The following ANPEP variants were observed in gnomAD, a reference collection of about 807,000 sequenced individuals.
ANPEP encodes the protein aminopeptidase N.
ANPEP carries 70 observed loss-of-function variants against 114.6 expected under a neutral mutation model. The observed-to-expected ratio is 0.61, with a 90% confidence interval of 0.50 to 0.75. The LOEUF (loss-of-function observed/expected upper bound fraction) is 0.75. ANPEP is among the 30% of genes least tolerant of loss of function. The pLI is 0.00. For missense variants in ANPEP, 1,184 were observed against 1,259.5 expected (o/e 0.94, Z 0.91); for synonymous variants, 548 against 522.3 (o/e 1.05, Z -0.67).
chr15:89,800,948 C>G (rs1273157585), intron 12 of ANPEP, among the ~76,000 whole-genome samples, 163 bp downstream of exon 12: 1 of 152,204 alleles, frequency 6.6e-6, no homozygotes, highest in African/African-American at 2.4e-5. Context: ...GGGATGGTAA[C>G]TTGCCCAGAG....
Position 89,803,104 on chromosome 15 carries a change from A to T in ANPEP, c.1569+135T>A. ...GGCTTCCACTATAGGGAGGAGCAACAGAGGCTCCATCCACCCTGCAGGGCT... is the reference window on the plus strand; with the variant it reads ...GGCTTCCACTATAGGGAGGAGCAACTGAGGCTCCATCCACCCTGCAGGGCT... On this transcript the variant is annotated intron_variant, in intron 10 of 20. Coordinates refer to ENST00000300060, the MANE Select transcript of ANPEP (RefSeq NM_001150.3). This position sits in a 1 kb window ranked among gnomAD's most constrained non-coding sequence, Gnocchi z 4.2. 1.0e-6 allele frequency: 1 copy of T among 983,608 alleles called. No homozygotes were observed. The highest frequency in any genetic ancestry group is 1.6e-6 in the Non-Finnish European group (1 of 625,412). 60.9% of individuals were successfully genotyped at this position (983,608 alleles called of 1,614,324 possible).
chr15:89,801,935 G>T (rs1482714783), intron 10 of ANPEP, among the ~76,000 whole-genome samples: 1 of 152,108 alleles, frequency 6.6e-6, no homozygotes, highest in Non-Finnish European at 1.5e-5. Flanking sequence ...CAAGAAAGAG[G>T]AGACAGAGAT....
At chr15:89,808,366 A>C (rs1894760954) in intron 1 of ANPEP, among the ~76,000 whole-genome samples, 1 of 152,116 alleles carries the variant, frequency 6.6e-6, no homozygotes, top group African/African-American at 2.4e-5. Flanking sequence ...AAGCCCCAGA[A>C]CTCAGCGTGG....
Position 89,803,566 on chromosome 15 carries a change from C to A in ANPEP, c.1438-59G>T. On this transcript the variant is annotated intron_variant, in intron 8 of 20. Coordinates refer to ENST00000300060, the MANE Select transcript of ANPEP (RefSeq NM_001150.3). The surrounding 1 kb of genome is among the most constrained non-coding windows in gnomAD (Gnocchi z 4.2). The stretch of plus-strand genomic sequence containing the variant: ...GTGCAGAGCCACCAGGACCCTGTGC[C>A]CCCAGACCCTGCCTTCAGTGAGGCC... The A allele has an allele frequency of 6.2e-7, 1 of 1,601,502 alleles. No individual in the cohort carries two copies. The highest frequency in any genetic ancestry group is 1.7e-4 in the Middle Eastern group (1 of 5,992).
At position 89,805,467 on chromosome 15, in the gene ANPEP, C is replaced by A. The variant is rs757497292; in HGVS notation, c.615-4G>T. Reference sequence around the variant, plus strand: ...CATCTGTGTAGTGGCCACCACCCTGCCCCAACAGGAAGGTTAGAGGGTGTG... The same window carrying A: ...CATCTGTGTAGTGGCCACCACCCTGACCCAACAGGAAGGTTAGAGGGTGTG... On this transcript the variant is annotated splice_region_variant and splice_polypyrimidine_tract_variant and intron_variant, in intron 2 of 20. Coordinates refer to ENST00000300060, the MANE Select transcript of ANPEP (RefSeq NM_001150.3). The A allele has an allele frequency of 8.1e-6, 13 of 1,613,790 alleles. No individual in the cohort carries two copies. The highest frequency in any genetic ancestry group is 1.7e-5 in the Admixed American group (1 of 59,952).
In ANPEP at chr15:89,804,284, A is replaced by G; in HGVS notation, c.1148T>C (p.Val383Ala). Residue 383 changes from valine (V) to alanine (A), a missense_variant, in exon 6 of 21, where the codon GTC becomes GCC. By Grantham distance (64) the Val-to-Ala change is moderately conservative. Coordinates refer to ENST00000300060, the MANE Select transcript of ANPEP (RefSeq NM_001150.3). Reference protein sequence around the residue: ...SSSSSNKERVVTVIAHELAHQ... With the variant: ...SSSSSNKERVATVIAHELAHQ... ...GGCCAGCTCATGAGCAATCACAGTG[A>G]CCACCCGCTCCTTGTTGCTGCTGGA... The G allele has an allele frequency of 6.2e-7, 1 of 1,614,024 alleles. No homozygotes were observed. Among genetic ancestry groups the G allele is most frequent in the Non-Finnish European group, 8.5e-7 (1 of 1,180,002 alleles).
intron 1 of ANPEP, among the ~76,000 whole-genome samples, chr15:89,807,657 C>A (rs72754571): frequency 0.063 from 9,572 of 152,188 alleles, 348 homozygotes; most frequent in Non-Finnish European, 0.085. Context: ...GCTGAGATCG[C>A]ACCACTGCAC....
rs762109331 is a variant in ANPEP at position 89,797,568 on chromosome 15, T to C, written c.2157+7A>G. The C allele has an allele frequency of 6.2e-7, 1 of 1,612,018 alleles. No individual in the cohort carries two copies. The highest frequency in any genetic ancestry group is 8.5e-7 in the Non-Finnish European group (1 of 1,178,874). On this transcript the variant is annotated splice_region_variant and intron_variant, in intron 15 of 20. Transcript: ENST00000300060. ...TGGTTCTTGAACCCTACCATGCACC[T>C]CCGTACCTTCATGGGGCCATAGACC...
intron 15 of ANPEP, 88 bp from the exon 16 acceptor site, chr15:89,793,214 G>C (rs79798527): frequency 7.5e-6 from 9 of 1,207,186 alleles, no homozygotes; most frequent in South Asian, 6.4e-5. Context: ...GGGGGCAGGC[G>C]CTGGCAGAGA....
chr15:89,810,925 G>A (rs1215599237), intron 1 of ANPEP, among the ~76,000 whole-genome samples: 1 of 152,246 alleles, frequency 6.6e-6, no homozygotes, highest in African/African-American at 2.4e-5. Flanking sequence ...CCTTGGGCCT[G>A]GAAAGCTTCC....
intron 12 of ANPEP, 41 bp downstream of exon 12, chr15:89,801,070 A>G: frequency 6.4e-7 from 1 of 1,568,486 alleles, no homozygotes; most frequent in Non-Finnish European, 8.8e-7. Flanking sequence ...AGCTAGGAGT[A>G]TGGGGTGGGG....
At position 89,791,030 on chromosome 15, in the gene ANPEP, G is replaced by A; in HGVS notation, c.2592C>T (p.Ile864=). ...GCCCAATGACGTTGTTGGTAATGCT[G>A]ATGATGGTAGAGGTGGCGTCCTGCT... ...IRKQDATSTI[I]SITNNVIGQG... The change falls in exon 19 of 21, where the codon ATC becomes ATT. Residue 864 remains isoleucine (I), a synonymous_variant. Coordinates refer to ENST00000300060, the MANE Select transcript of ANPEP (RefSeq NM_001150.3). 6.2e-7 allele frequency: 1 copy of A among 1,614,248 alleles called. No individual in the cohort carries two copies. Among genetic ancestry groups the A allele is most frequent in the Non-Finnish European group, 8.5e-7 (1 of 1,180,046 alleles).
chr15:89,811,611 A>T (rs994689335), intron 1 of ANPEP, among the ~76,000 whole-genome samples: 1 of 150,730 alleles, frequency 6.6e-6, no homozygotes, highest in African/African-American at 2.4e-5. Flanking sequence ...GTGCCACTGC[A>T]CTCCAGCCTG....
intron 1 of ANPEP, among the ~76,000 whole-genome samples, chr15:89,813,900 A>G (rs746177358): frequency 1.3e-5 from 2 of 150,466 alleles, no homozygotes; most frequent in Non-Finnish European, 3.0e-5. Context: ...GGTGGGTTGC[A>G]GTCCAGGGGC....
chr15:89,812,015 G>A (rs1894824886), intron 1 of ANPEP, among the ~76,000 whole-genome samples: 1 of 152,258 alleles, frequency 6.6e-6, no homozygotes, highest in Non-Finnish European at 1.5e-5. Context: ...GATCATGCCA[G>A]GGCATAACTA....
chr15:89,785,589 C>A, intron 20 of ANPEP, 88 bp from the exon 21 acceptor site: 1 of 1,560,960 alleles, frequency 6.4e-7, no homozygotes, highest in South Asian at 1.2e-5. Flanking sequence ...TTTCCACTCC[C>A]ACTTTAGAGT....
chr15:89,790,659 G>C, intron 19 of ANPEP, 118 bp from the exon 20 acceptor site: 1 of 926,798 alleles, frequency 1.1e-6, no homozygotes, highest in Non-Finnish European at 1.7e-6. Context: ...CGCCCTGGGA[G>C]ACCCCACTAG....
intron 1 of ANPEP, chr15:89,807,047 A>T (rs1484067741): frequency 6.1e-6 from 1 of 163,218 alleles, no homozygotes; most frequent in Non-Finnish European, 1.4e-5. Context: ...CCCGGCTCCT[A>T]TTAAGAACAC....
Position 89,806,162 on chromosome 15 carries a change from C to A in ANPEP, c.422G>T (p.Gly141Val). 1.2e-6 allele frequency: 2 copies of A among 1,614,058 alleles called. No individual in the cohort carries two copies. Among genetic ancestry groups the A allele is most frequent in the Non-Finnish European group, 1.7e-6 (2 of 1,179,990 alleles). The change falls in exon 2 of 21, where the codon GGT becomes GTT. Residue 141 changes from glycine to valine, a missense_variant. Transcript: ENST00000300060. The surrounding 1 kb of genome is among the most constrained non-coding windows in gnomAD (Gnocchi z 5.7). ...GTCGGGGGGCTGGGAGCCTCCCACACCACGCAGGACCACCCTGTGCCCCTG... is the reference window on the plus strand; with the variant it reads ...GTCGGGGGGCTGGGAGCCTCCCACAACACGCAGGACCACCCTGTGCCCCTG... ...LSQGHRVVLR[G>V]VGGSQPPDID... is the part of the protein sequence containing the mutation.
Sources: gnomAD v4.1 joint callset for allele counts (sites outside exome capture counted in the v4.1 genomes callset) on GRCh38, gnomAD v4.1.1 for gene constraint, Gnocchi (gnomAD v3.1) non-coding constraint, MANE v1.5 for transcripts, NCBI Gene and HGNC (gene_info 2026-07-23, HGNC 2026-07-21) for gene names.